Variants in MAEL observed in about 807,000 individuals in gnomAD.
The protein encoded by MAEL is protein maelstrom homolog.
MAEL carries 46 observed loss-of-function variants against 62.0 expected under a neutral mutation model. That is an observed-to-expected ratio of 0.74 (90% CI 0.59 to 0.95). MAEL has a LOEUF of 0.95. Among genes scored for constraint, MAEL ranks in the 40% least tolerant of loss-of-function variants. The pLI is 0.00. For synonymous variants in MAEL, 172 were observed against 175.5 expected (o/e 0.98, Z 0.16); for missense variants, 497 against 526.8 (o/e 0.94, Z 0.55).
At chr1:166,988,178 G>A (rs968842281), upstream of MAEL, among the ~76,000 whole-genome samples, 3 of 151,558 alleles carry the variant, frequency 2.0e-5, no homozygotes, top group African/African-American at 4.9e-5. Context: ...GGGAGACCTC[G>A]TCTCTACAAA....
intron 8 of MAEL, among the ~76,000 whole-genome samples, chr1:167,009,076 T>C (rs1317973820): frequency 2.0e-5 from 3 of 152,156 alleles, no homozygotes; most frequent in Non-Finnish European, 4.4e-5. Context: ...TTGTATTGTT[T>C]ACATTTTCTT....
intron 8 of MAEL, among the ~76,000 whole-genome samples, chr1:167,011,023 T>G (rs1323528094): frequency 6.6e-6 from 1 of 152,050 alleles, no homozygotes; most frequent in African/African-American, 2.4e-5. Flanking sequence ...CTACCTAATT[T>G]CTAAAGGGCC....
upstream of MAEL, among the ~76,000 whole-genome samples, chr1:166,984,633 T>C (rs1432818733): frequency 1.3e-5 from 2 of 152,216 alleles, no homozygotes; most frequent in African/African-American, 4.8e-5. Flanking sequence ...ACAATGGTCA[T>C]GGTCAAGCCG....
chr1:167,019,933 G>A (rs1234884643), intron 10 of MAEL, among the ~76,000 whole-genome samples: 1 of 152,076 alleles, frequency 6.6e-6, no homozygotes, highest in Non-Finnish European at 1.5e-5. Flanking sequence ...CTCTCAGTTT[G>A]ATTTCCTCTC....
At position 167,017,818 on chromosome 1, in the gene MAEL, C is replaced by A. The variant is rs1298028275; in HGVS notation, c.909-9C>A. 6.3e-7 allele frequency: 1 copy of A among 1,595,328 alleles called. No homozygotes were observed. ...GATTCTGATAGTGAGATTTTTATTTCTTTTAAAGGTACTGCATCAGTAATT... is the reference window on the plus strand; with the variant it reads ...GATTCTGATAGTGAGATTTTTATTTATTTTAAAGGTACTGCATCAGTAATT... On this transcript the variant is annotated splice_polypyrimidine_tract_variant and intron_variant, in intron 9 of 11. Transcript: ENST00000367872.
Position 167,016,271 on chromosome 1 carries a change from T to A in MAEL, c.895T>A (p.Cys299Ser). Residue 299 changes from cysteine to serine, a missense_variant, in exon 9 of 12, where the codon TGC becomes AGC. Cys to Ser is a moderately radical substitution (Grantham distance 112). Transcript: ENST00000367872. ...NDILFCALAV[C>S]KKIAYCISNS... ...TATTCTCTTCTGTGCTTTAGCTGTT[T>A]GCAAGAAGATTGCGTAAGTTGGGGA... 6.2e-7 allele frequency: 1 copy of A among 1,613,706 alleles called. No homozygotes were observed. The highest frequency in any genetic ancestry group is 8.5e-7 in the Non-Finnish European group (1 of 1,179,756).
At chr1:166,995,081 T>A (rs1469467027) in intron 5 of MAEL, among the ~76,000 whole-genome samples, 1 of 149,696 alleles carries the variant, frequency 6.7e-6, no homozygotes, top group African/African-American at 2.5e-5. Context: ...GCAGCTATAA[T>A]ACTTACAACA....
chr1:167,017,007 G>T (rs1665423466), intron 9 of MAEL, among the ~76,000 whole-genome samples: 1 of 152,114 alleles, frequency 6.6e-6, no homozygotes, highest in Non-Finnish European at 1.5e-5. Flanking sequence ...GAGGGGTGAG[G>T]GGGAAGTGAA....
rs1664060358 is a variant in MAEL at position 166,989,439 on chromosome 1, G to A, written c.87G>A (p.Val29=). Reference sequence around the variant, plus strand: ...AACTACGGCGACGAGGCCTGCCTGTGGCTCGCGTTGCTGATGCCATCCCTT... The same window carrying A: ...AACTACGGCGACGAGGCCTGCCTGTAGCTCGCGTTGCTGATGCCATCCCTT... ...IPELRRRGLP[V]ARVADAIPYC... The change falls in exon 1 of 12, where the codon GTG becomes GTA. Residue 29 remains valine (V), a synonymous_variant. Transcript: ENST00000367872. 6.3e-7 allele frequency: 1 copy of A among 1,592,698 alleles called. No individual in the cohort carries two copies. Among genetic ancestry groups the A allele is most frequent in the Non-Finnish European group, 8.5e-7 (1 of 1,170,010 alleles).
At chr1:167,006,635 A>T (rs1456589320) in intron 8 of MAEL, among the ~76,000 whole-genome samples, 1 of 91,010 alleles carries the variant, frequency 1.1e-5, no homozygotes, top group African/African-American at 4.3e-5. Flanking sequence ...ATATATATAT[A>T]TACATTTTTT....
At chr1:166,978,584 A>C (rs1466775779) in intron 1 of MAEL, among the ~76,000 whole-genome samples, 1 of 152,212 alleles carries the variant, frequency 6.6e-6, no homozygotes, top group African/African-American at 2.4e-5. Flanking sequence ...TCTACTAAGA[A>C]TAATGAGCTC....
intron 9 of MAEL, 141 bp downstream of exon 9, chr1:167,016,425 C>G (rs1665391149): frequency 2.8e-6 from 2 of 712,890 alleles, no homozygotes; most frequent in Non-Finnish European, 4.8e-6. Context: ...CAAATCAAAA[C>G]TACAGTGAGA....
At chr1:166,978,047 A>T (rs1216100873) in intron 1 of MAEL, among the ~76,000 whole-genome samples, 1 of 152,230 alleles carries the variant, frequency 6.6e-6, no homozygotes, top group Non-Finnish European at 1.5e-5. Flanking sequence ...CTGGATGTGT[A>T]TATGAAGTGG....
At position 166,989,905 on chromosome 1, in the gene MAEL, G is replaced by A. The variant is rs1664090752; in HGVS notation, c.225+76G>A. The stretch of plus-strand genomic sequence containing the variant: ...CAGTAAAGGCTGGATGAGTGAATGA[G>A]TGAATGTCAAGGGTGGACTGCTTTG... On this transcript the variant is annotated intron_variant, in intron 2 of 11. Coordinates refer to ENST00000367872, the MANE Select transcript of MAEL (RefSeq NM_032858.3). 7 of 1,175,172 alleles carry A rather than the reference G, an allele frequency of 6.0e-6. No homozygotes were observed. In the South Asian group the frequency reaches 1.0e-4, roughly 17 times the overall value. The allele number at this position is 1,175,172 out of a possible 1,614,324, so 72.8% of individuals were successfully genotyped here.
intron 8 of MAEL, among the ~76,000 whole-genome samples, chr1:167,007,760 A>T (rs1664991573): frequency 6.6e-6 from 1 of 152,088 alleles, no homozygotes; most frequent in Non-Finnish European, 1.5e-5. Context: ...TTCTCTGAGA[A>T]TGAGAACCCT....
intron 8 of MAEL, among the ~76,000 whole-genome samples, chr1:167,014,796 G>C (rs1237846073): frequency 6.6e-6 from 1 of 152,142 alleles, no homozygotes; most frequent in Non-Finnish European, 1.5e-5. Flanking sequence ...GCCAACGTGG[G>C]TGGATCACCT....
chr1:167,003,091 G>C (rs1664744640), intron 5 of MAEL, among the ~76,000 whole-genome samples: 1 of 152,020 alleles, frequency 6.6e-6, no homozygotes, highest in South Asian at 2.1e-4. Flanking sequence ...GCATCTCTTT[G>C]GGGGAGAGTA....
intron 8 of MAEL, among the ~76,000 whole-genome samples, chr1:167,013,047 C>T (rs148666071): frequency 1.3e-5 from 2 of 152,266 alleles, no homozygotes; most frequent in East Asian, 1.9e-4. Flanking sequence ...TGAAAGATGA[C>T]ACCCAGGTTT....
chr1:166,989,757 G>A lies in MAEL; in HGVS notation c.153G>A (p.Lys51=), dbSNP rs187409599. 6 of 1,614,012 alleles carry A rather than the reference G, an allele frequency of 3.7e-6. No individual in the cohort carries two copies. The African/African-American group carries it at 6.7e-5, about 18-fold the overall frequency. Residue 51 remains lysine (K), a synonymous_variant, in exon 2 of 12, where the codon AAG becomes AAA. Coordinates refer to ENST00000367872, the MANE Select transcript of MAEL (RefSeq NM_032858.3). ...AAAAGCTTCTGAGGGAGGAAGAAAA[G>A]GAGAAATACGCAGAAATGGCTCGAG... ...SDWALLREEE[K]EKYAEMAREW...
Sources: allele counts gnomAD v4.1 joint callset (sites outside exome capture counted in the v4.1 genomes callset), GRCh38; gene constraint gnomAD v4.1.1; transcripts MANE v1.5; gene names NCBI Gene and HGNC (gene_info 2026-07-23, HGNC 2026-07-21).